The following DEPDC4 variants were observed in gnomAD, a reference collection of about 807,000 sequenced individuals.
DEPDC4 encodes the protein DEP domain-containing protein 4.
In DEPDC4, 52 loss-of-function variants were observed where a neutral mutation model predicts 52.0. The observed-to-expected ratio is 1.00, with a 90% CI of 0.80 to 1.26. The LOEUF is 1.26. DEPDC4 is among the 50% of genes most tolerant of loss of function. DEPDC4 has a pLI of 0.00. For missense variants in DEPDC4, 530 were observed against 546.9 expected (o/e 0.97, Z 0.31); for synonymous variants, 201 against 196.8 (o/e 1.02, Z -0.18).
intron 5 of DEPDC4, 50 bp from the exon 6 acceptor site, chr12:100,252,586 G>A (rs1229979986): frequency 2.0e-6 from 3 of 1,508,676 alleles, no homozygotes; most frequent in Non-Finnish European, 2.7e-6. Flanking sequence ...AAAATGGAGA[G>A]TATAGTAAGT....
Position 100,259,081 on chromosome 12 carries a change from A to AAAAAATAT in DEPDC4, c.701-2856_701-2855insATATTTTT, listed in dbSNP as rs543577636. On this transcript the variant is annotated intron_variant, in intron 3 of 9. Transcript: ENST00000550587. ...GCAAAAATCTGTCTCAAAAAAAAAA[A>AAAAAATAT]ATATATATATATATCCCATGTACCC... is the stretch of plus-strand genomic sequence containing the variant. Among the ~76,000 whole-genome samples the AAAAAATAT allele has an allele frequency of 7.4e-3, 1,106 of 149,106 alleles. 21 individuals carry two copies. Among genetic ancestry groups the AAAAAATAT allele is most frequent in the African/African-American group, 0.026 (1,031 of 39,842 alleles).
At chr12:100,257,134 A>C (rs1035985268) in intron 3 of DEPDC4, among the ~76,000 whole-genome samples, 3 of 151,830 alleles carry the variant, frequency 2.0e-5, no homozygotes, top group African/African-American at 4.8e-5. Context: ...GCTGGAGTGC[A>C]ATGGTGCAAT....
intron 4 of DEPDC4, among the ~76,000 whole-genome samples, 191 bp from the exon 5 acceptor site, chr12:100,253,906 G>A (rs554888947): frequency 1.3e-5 from 2 of 152,302 alleles, no homozygotes; most frequent in South Asian, 2.1e-4. Flanking sequence ...GGGAATGGCT[G>A]TATTCCTTAC....
intron 5 of DEPDC4, among the ~76,000 whole-genome samples, chr12:100,252,833 T>C (rs1490758364): frequency 6.6e-6 from 1 of 151,426 alleles, no homozygotes; most frequent in Non-Finnish European, 1.5e-5. Context: ...TCAATTTTCA[T>C]TTTGCTAAAA....
chr12:100,266,804 G>T, intron 1 of DEPDC4, 116 bp downstream of exon 1: 2 of 1,352,726 alleles, frequency 1.5e-6, no homozygotes, highest in Non-Finnish European at 2.0e-6. Context: ...GGAAGGGGGC[G>T]GGGCTAGGAA....
At chr12:100,239,880 AAAAC>A (rs751633519), downstream of DEPDC4, among the ~76,000 whole-genome samples, 203 of 152,194 alleles carry the variant, frequency 1.3e-3, no homozygotes, top group Non-Finnish European at 1.1e-3. Flanking sequence ...CATCTCTACA[AAAAC>A]AAACAAACAA....
At position 100,263,728 on chromosome 12, in the gene DEPDC4, G is replaced by A. The variant is rs547988936; in HGVS notation, c.323C>T (p.Thr108Met). The change falls in exon 2 of 10, where the codon ACG becomes ATG. Residue 108 changes from threonine to methionine, a missense_variant. Physicochemically the swap from Thr to Met is moderately conservative, Grantham distance 81 (BLOSUM62 -1). Transcript: ENST00000550587. ...AGAGATGTCATTGCTACTTAGGCAC[G>A]TGTTTTGCATAAGATGACTTAAGAC... ...DVVLSHLMQN[T>M]CLSSNDISCL... The A allele has an allele frequency of 1.7e-5, 28 of 1,614,030 alleles. No homozygotes were observed. The highest frequency in any genetic ancestry group is 1.1e-4 in the South Asian group (10 of 91,084).
intron 4 of DEPDC4, chr12:100,255,806 G>A (rs933990233): frequency 3.3e-5 from 9 of 273,862 alleles, no homozygotes; most frequent in Non-Finnish European, 5.5e-5. Flanking sequence ...TTTGGATGAT[G>A]CGGGGAGAAG....
upstream of DEPDC4, among the ~76,000 whole-genome samples, chr12:100,268,886 C>A (rs1244034630): frequency 6.6e-6 from 1 of 152,162 alleles, no homozygotes; most frequent in Non-Finnish European, 1.5e-5. Context: ...CATACTCAGC[C>A]TCTCATGAAG....
intron 8 of DEPDC4, among the ~76,000 whole-genome samples, chr12:100,248,515 T>C (rs2096195130): frequency 6.6e-6 from 1 of 152,072 alleles, no homozygotes; most frequent in Non-Finnish European, 1.5e-5. Flanking sequence ...TCTATAAAAT[T>C]TGATCCTTCC....
At chr12:100,243,711 T>G (rs969939671) in intron 8 of DEPDC4, among the ~76,000 whole-genome samples, 2 of 152,058 alleles carry the variant, frequency 1.3e-5, no homozygotes, top group African/African-American at 4.8e-5. Flanking sequence ...AATCTCTCCC[T>G]TGACCTTGCA....
upstream of DEPDC4, among the ~76,000 whole-genome samples, chr12:100,269,241 C>G (rs1427726765): frequency 6.6e-6 from 1 of 152,072 alleles, no homozygotes; most frequent in African/African-American, 2.4e-5. Flanking sequence ...CCTTTCTCCC[C>G]TAGTCACCCT....
At position 100,256,207 on chromosome 12, in the gene DEPDC4, T is replaced by C. The variant is rs2096231900; in HGVS notation, c.720A>G (p.Thr240=). ...LSKEDVWKEQ[T]LLCLLQLIHL... is the part of the protein sequence containing the mutation. ...GAATCAATTGAAGAAGACATAATAATGTTTGTTCTTTCCAAACATCTTGAA... is the reference window on the plus strand; with the variant it reads ...GAATCAATTGAAGAAGACATAATAACGTTTGTTCTTTCCAAACATCTTGAA... The change falls in exon 4 of 10, where the codon ACA becomes ACG. Residue 240 remains threonine (T), a synonymous_variant. Coordinates refer to ENST00000550587, the MANE Select transcript of DEPDC4 (RefSeq NM_001364818.2). The C allele has an allele frequency of 6.2e-7, 1 of 1,610,892 alleles. No homozygotes were observed. Among genetic ancestry groups the C allele is most frequent in the African/African-American group, 1.3e-5 (1 of 74,810 alleles).
At chr12:100,246,556 T>G (rs949686790) in intron 8 of DEPDC4, among the ~76,000 whole-genome samples, 2 of 152,158 alleles carry the variant, frequency 1.3e-5, no homozygotes, top group Non-Finnish European at 2.9e-5. Flanking sequence ...CTATAGAGAT[T>G]CAAAAAATGT....
chr12:100,241,726 G>A lies in DEPDC4; in HGVS notation c.*166C>T, dbSNP rs56405727. ...AATTCCTTAATTAATTTCTTTTTTC[G>A]TTTCAGAGAGATGCTGGGGTTACTA... On this transcript the variant is annotated 3_prime_UTR_variant, in exon 10 of 10. Transcript: ENST00000550587. 19 of 1,260,240 alleles carry A rather than the reference G, an allele frequency of 1.5e-5. No homozygotes were observed. The highest frequency in any genetic ancestry group is 2.2e-4 in the Middle Eastern group (1 of 4,572). The allele number at this position is 1,260,240 out of a possible 1,614,324, so 78.1% of individuals were successfully genotyped here. A position where few individuals can be genotyped will look rare whatever the true frequency, so the allele number is the denominator to read the frequency against.
intron 7 of DEPDC4, 140 bp downstream of exon 7, chr12:100,252,036 T>G: frequency 1.4e-6 from 1 of 730,690 alleles, no homozygotes; most frequent in Non-Finnish European, 1.7e-6. Context: ...TTCTCTTTTG[T>G]GGGTGTGGGG....
At chr12:100,235,255 T>C (rs145308730), downstream of DEPDC4, among the ~76,000 whole-genome samples, 1,200 of 152,128 alleles carry the variant, frequency 7.9e-3, 12 homozygotes, top group Non-Finnish European at 0.012. Flanking sequence ...TAATCTAGAA[T>C]ACTCATCTGA....
intron 9 of DEPDC4, among the ~76,000 whole-genome samples, chr12:100,232,995 A>G (rs1435397623): frequency 6.6e-6 from 1 of 152,198 alleles, no homozygotes; most frequent in East Asian, 1.9e-4. Context: ...ATGTATGTAC[A>G]TATCATTTAA....
At chr12:100,247,350 C>T (rs1399124577) in intron 8 of DEPDC4, among the ~76,000 whole-genome samples, 1 of 151,794 alleles carries the variant, frequency 6.6e-6, no homozygotes, top group Admixed American at 6.6e-5. Context: ...GGATTACAGG[C>T]ATGCACCACC....
Sources: allele counts gnomAD v4.1 joint callset (sites outside exome capture counted in the v4.1 genomes callset), GRCh38; gene constraint gnomAD v4.1.1; transcripts MANE v1.5; gene names NCBI Gene and HGNC (gene_info 2026-07-23, HGNC 2026-07-21).